Variants in MTUS2 observed in about 807,000 individuals in gnomAD.
The protein encoded by MTUS2 is microtubule-associated tumor suppressor candidate 2.
A neutral mutation model predicts 114.1 loss-of-function variants in MTUS2; 40 were observed. That is an observed-to-expected ratio of 0.35 (90% CI 0.27 to 0.46). The LOEUF is 0.46. Ranked by LOEUF, MTUS2 falls within the 20% of genes least tolerant of loss-of-function variation. The probability of loss-of-function intolerance (pLI) is 1.00; values close to 1 mark genes in which losing one functional copy is unlikely to be tolerated. For synonymous variants in MTUS2, 688 were observed against 672.0 expected, an observed-to-expected ratio of 1.02 and a Z score of -0.37; for missense variants, 1,679 against 1,705.4, an observed-to-expected ratio of 0.98 and a Z score of 0.27.
intron 2 of MTUS2, among the ~76,000 whole-genome samples, chr13:28,983,120 C>T (rs959269306): frequency 6.6e-6 from 1 of 152,156 alleles, no homozygotes; most frequent in Non-Finnish European, 1.5e-5. Context: ...ACCTGCAAAT[C>T]CGAGGCAGGG....
chr13:29,385,124 A>T (rs1872547360), intron 8 of MTUS2, among the ~76,000 whole-genome samples: 1 of 152,196 alleles, frequency 6.6e-6, no homozygotes, highest in Non-Finnish European at 1.5e-5. Flanking sequence ...TTGGTACAAG[A>T]TAAAGTCTCA....
intron 3 of MTUS2, among the ~76,000 whole-genome samples, chr13:29,028,267 C>G (rs1290066889): frequency 6.6e-6 from 1 of 152,196 alleles, no homozygotes; most frequent in Admixed American, 6.5e-5. Flanking sequence ...AGGAGAATTG[C>G]TCGAACCCAG....
intron 2 of MTUS2, among the ~76,000 whole-genome samples, chr13:28,998,271 G>A (rs1181779096): frequency 6.6e-6 from 1 of 152,172 alleles, no homozygotes; most frequent in Non-Finnish European, 1.5e-5. Flanking sequence ...CTGTTAGTCC[G>A]ATGGGCTTCC....
intron 5 of MTUS2, among the ~76,000 whole-genome samples, chr13:29,168,790 A>C (rs1263287656): frequency 2.0e-5 from 3 of 152,008 alleles, no homozygotes; most frequent in Non-Finnish European, 2.9e-5. Context: ...TCTAAGGAGG[A>C]GGGATTTAAA....
intron 5 of MTUS2, among the ~76,000 whole-genome samples, chr13:29,152,093 A>G (rs1892685556): frequency 1.3e-5 from 2 of 150,942 alleles, no homozygotes; most frequent in South Asian, 4.2e-4. Flanking sequence ...TTTGGGGGGG[A>G]ATAGTTTCAG....
At chr13:29,472,315 C>T (rs1175278372) in intron 9 of MTUS2, among the ~76,000 whole-genome samples, 1 of 152,206 alleles carries the variant, frequency 6.6e-6, no homozygotes, top group Non-Finnish European at 1.5e-5. Flanking sequence ...AGCCACCGTG[C>T]CCAGCCATGG....
intron 8 of MTUS2, among the ~76,000 whole-genome samples, chr13:29,426,507 C>A (rs1306220285): frequency 6.6e-6 from 1 of 152,200 alleles, no homozygotes. Context: ...GACTAAAACT[C>A]TGTATTCATT....
chr13:29,086,533 G>A (rs1389455240), intron 4 of MTUS2, among the ~76,000 whole-genome samples: 100 of 152,156 alleles, frequency 6.6e-4, no homozygotes, highest in Non-Finnish European at 7.4e-5. Flanking sequence ...TATTCTTGTA[G>A]TATAGTTTGA....
chr13:29,262,706 C>G (rs1897523520), intron 5 of MTUS2, among the ~76,000 whole-genome samples: 1 of 152,178 alleles, frequency 6.6e-6, no homozygotes, highest in African/African-American at 2.4e-5. Flanking sequence ...GGAGGACTGT[C>G]AGTGTCAATA....
chr13:29,342,360 CT>C (rs1425156340), intron 7 of MTUS2, among the ~76,000 whole-genome samples: 1 of 151,866 alleles, frequency 6.6e-6, no homozygotes, highest in Non-Finnish European at 1.5e-5. Flanking sequence ...TTGTAGAGGT[CT>C]TTCACTCCTT....
At chr13:28,996,893 A>G (rs991803283) in intron 2 of MTUS2, among the ~76,000 whole-genome samples, 12 of 151,722 alleles carry the variant, frequency 7.9e-5, no homozygotes, top group African/African-American at 2.9e-4. Flanking sequence ...TTGTGTCTCT[A>G]TTTCCTTCAG....
chr13:28,821,693 T>C (rs1335906004), intron 1 of MTUS2, among the ~76,000 whole-genome samples: 2 of 152,272 alleles, frequency 1.3e-5, no homozygotes, highest in African/African-American at 4.8e-5. Flanking sequence ...AAAGCTTTCC[T>C]GGTGATTCTA....
chr13:29,229,416 G>A (rs1025045346), intron 5 of MTUS2, among the ~76,000 whole-genome samples: 4 of 152,078 alleles, frequency 2.6e-5, no homozygotes, highest in African/African-American at 7.2e-5. Context: ...TAATATGTAC[G>A]ATACTAAATG....
At chr13:29,030,067 G>A (rs953623405) in intron 3 of MTUS2, among the ~76,000 whole-genome samples, 1 of 152,146 alleles carries the variant, frequency 6.6e-6, no homozygotes, top group Non-Finnish European at 1.5e-5. Context: ...ACCCCACATT[G>A]TCTGTAATTC....
chr13:29,208,316 T>C (rs528229605), intron 5 of MTUS2, among the ~76,000 whole-genome samples: 1 of 152,230 alleles, frequency 6.6e-6, no homozygotes, highest in East Asian at 1.9e-4. Context: ...TTGGATCTTT[T>C]CTCTTCTTTT....
chr13:29,011,447 A>G (rs1414300765), intron 2 of MTUS2, among the ~76,000 whole-genome samples: 1 of 152,232 alleles, frequency 6.6e-6, no homozygotes, highest in Non-Finnish European at 1.5e-5. Context: ...TGTTGGGAAT[A>G]TAAATATCTT....
chr13:29,437,356 A>G (rs1159392386), intron 8 of MTUS2, among the ~76,000 whole-genome samples: 1 of 152,200 alleles, frequency 6.6e-6, no homozygotes, highest in African/African-American at 2.4e-5. Context: ...GTGTTTAGGA[A>G]TTAGAGAATA....
intron 5 of MTUS2, among the ~76,000 whole-genome samples, chr13:29,255,094 G>A (rs993459440): frequency 2.6e-5 from 4 of 152,098 alleles, no homozygotes; most frequent in Admixed American, 1.3e-4. Flanking sequence ...GTGCACACAT[G>A]CATCGGCAGT....
chr13:28,962,068 G>A (rs1292415179), intron 2 of MTUS2, among the ~76,000 whole-genome samples: 3 of 151,014 alleles, frequency 2.0e-5, no homozygotes, highest in East Asian at 1.9e-4. Context: ...CATATAAAGA[G>A]ATTTTAAAAT....
Sources: allele counts gnomAD v4.1 joint callset (sites outside exome capture counted in the v4.1 genomes callset), GRCh38; gene constraint gnomAD v4.1.1; transcripts MANE v1.5; gene names NCBI Gene and HGNC (gene_info 2026-07-23, HGNC 2026-07-21).